The following PLA2R1 variants were observed in gnomAD, a reference collection of about 807,000 sequenced individuals.
PLA2R1 encodes the protein secretory phospholipase A2 receptor.
In PLA2R1, 158 loss-of-function variants were observed where a neutral mutation model predicts 195.9. The ratio of observed to expected loss-of-function variants is 0.81; its 90% CI spans 0.71 to 0.92. PLA2R1 has a LOEUF of 0.92. Among genes scored for constraint, PLA2R1 ranks in the 40% least tolerant of loss-of-function variants. The probability of loss-of-function intolerance (pLI) is 0.00; values close to 1 mark genes in which losing one functional copy is unlikely to be tolerated. For synonymous variants in PLA2R1, 586 were observed against 598.2 expected (o/e 0.98, Z 0.30); for missense variants, 1,626 against 1,764.6 (o/e 0.92, Z 1.41).
rs144116921 is a variant in PLA2R1, at chr2:159,976,132, T to G, written c.2531A>C (p.His844Pro). 152 of 1,612,986 alleles carry G rather than the reference T, an allele frequency of 9.4e-5. No homozygotes were observed. The African/African-American group carries it at 1.8e-3, about 19-fold the overall frequency. ...LNFEFVCSWLHSDLLTIHSAH... is the reference protein window; with the variant it reads ...LNFEFVCSWLPSDLLTIHSAH... ...AGAATGAATTGTGAGAAGATCACTGTGCAGCCAGCTACAGACAAACTCAAA... is the reference window on the plus strand; with the variant it reads ...AGAATGAATTGTGAGAAGATCACTGGGCAGCCAGCTACAGACAAACTCAAA... The change falls in exon 17 of 30, where the codon CAC becomes CCC. Residue 844 changes from histidine (H) to proline (P), a missense_variant. Coordinates refer to ENST00000283243, the MANE Select transcript of PLA2R1 (RefSeq NM_007366.5).
At position 160,028,128 on chromosome 2, in the gene PLA2R1, A is replaced by G. The variant is rs1258097000; in HGVS notation, c.1099+90T>C. 3 of 817,864 alleles carry G rather than the reference A, an allele frequency of 3.7e-6. No individual in the cohort carries two copies. The African/African-American group carries it at 5.2e-5, about 14-fold the overall frequency. 50.7% of individuals were successfully genotyped at this position (817,864 alleles called of 1,614,324 possible). On this transcript the variant is annotated intron_variant, in intron 6 of 29. Transcript: ENST00000283243. ...AACTAGATTTAGCTAAGTTTACATT[A>G]TGAATTATTAGCAAAAAATAGAGAA...
rs988867172 is a variant in PLA2R1, at chr2:159,956,368, T to C, written c.3022+142A>G. 3 of 623,450 alleles carry C rather than the reference T, an allele frequency of 4.8e-6. No homozygotes were observed. In the African/African-American group the frequency reaches 5.5e-5, roughly 11 times the overall value. 38.6% of individuals were successfully genotyped at this position (623,450 alleles called of 1,614,324 possible). On this transcript the variant is annotated intron_variant, in intron 21 of 29. Coordinates refer to ENST00000283243, the MANE Select transcript of PLA2R1 (RefSeq NM_007366.5). ...GATATCATGAAATAAAACCTATGGGTCAAACTGCAAACTCGTGTATCATCA... is the reference window on the plus strand; with the variant it reads ...GATATCATGAAATAAAACCTATGGGCCAAACTGCAAACTCGTGTATCATCA...
chr2:160,025,588 CAAAAAAA>C (rs56365741), intron 6 of PLA2R1, among the ~76,000 whole-genome samples: 2 of 52,868 alleles, frequency 3.8e-5, no homozygotes, highest in Non-Finnish European at 6.3e-5. Flanking sequence ...AACCATAAAG[CAAAAAAA>C]AAAAAAAAAA....
chr2:159,955,099 A>G (rs1424195836), intron 23 of PLA2R1, 100 bp downstream of exon 23: 1 of 842,524 alleles, frequency 1.2e-6, no homozygotes, highest in East Asian at 2.6e-5. Context: ...GTTAGCCAGG[A>G]AACTGTTAGC....
chr2:160,002,543 C>T (rs1691674068), intron 11 of PLA2R1, among the ~76,000 whole-genome samples: 2 of 151,894 alleles, frequency 1.3e-5, no homozygotes, highest in Admixed American at 6.6e-5. Flanking sequence ...AAAAAGGTTG[C>T]TAAAATCATA....
chr2:160,013,747 GTGTGTCTC>G (rs1408882598), intron 9 of PLA2R1, among the ~76,000 whole-genome samples: 6 of 137,572 alleles, frequency 4.4e-5, no homozygotes, highest in Middle Eastern at 3.5e-3. Context: ...GTGTGTGTGT[GTGTGTCTC>G]TCTCTCTCTG....
chr2:159,929,506 G>A (rs1686543187), downstream of PLA2R1, among the ~76,000 whole-genome samples: 1 of 145,320 alleles, frequency 6.9e-6, no homozygotes, highest in South Asian at 2.4e-4. Context: ...AAAAATAGAT[G>A]TTGGTGTGGA....
At chr2:159,978,292 C>T (rs1461854106) in intron 14 of PLA2R1, among the ~76,000 whole-genome samples, 1 of 152,094 alleles carries the variant, frequency 6.6e-6, no homozygotes, top group African/African-American at 2.4e-5. Flanking sequence ...TAATGACTAT[C>T]TCACAGAAGA....
chr2:160,010,776 A>G (rs766490919), intron 10 of PLA2R1, among the ~76,000 whole-genome samples: 1 of 152,136 alleles, frequency 6.6e-6, no homozygotes, highest in Non-Finnish European at 1.5e-5. Context: ...TCCCTGATGG[A>G]CTCTGAATGA....
chr2:160,017,640 T>C (rs894697999), intron 8 of PLA2R1, among the ~76,000 whole-genome samples: 2 of 152,218 alleles, frequency 1.3e-5, no homozygotes, highest in Non-Finnish European at 2.9e-5. Flanking sequence ...TCTAATCCTA[T>C]TGAAGGCTAC....
intron 10 of PLA2R1, among the ~76,000 whole-genome samples, chr2:160,012,719 C>G (rs545529103): frequency 5.9e-5 from 9 of 152,190 alleles, no homozygotes; most frequent in African/African-American, 1.9e-4. Context: ...TCAGACCAGC[C>G]TGGCCAACAT....
chr2:159,960,225 G>A (rs996789627), intron 20 of PLA2R1, among the ~76,000 whole-genome samples: 1 of 152,148 alleles, frequency 6.6e-6, no homozygotes, highest in South Asian at 2.1e-4. Flanking sequence ...AATGTTCCCT[G>A]CCTTTCTGAC....
intron 25 of PLA2R1, among the ~76,000 whole-genome samples, chr2:159,948,642 C>CA (rs56329076): frequency 0.36 from 34,545 of 96,400 alleles, 5,940 homozygotes; most frequent in Non-Finnish European, 0.49. Context: ...CAAGTGCTAA[C>CA]AAAAAAAAAA....
At chr2:159,976,295 G>T in intron 16 of PLA2R1, 70 bp from the exon 17 acceptor site, 1 of 1,051,424 alleles carries the variant, frequency 9.5e-7, no homozygotes, top group South Asian at 1.5e-5. Flanking sequence ...CCAAATTTGA[G>T]ATTTGGTCAC....
At chr2:159,956,701 T>G in intron 20 of PLA2R1, 74 bp from the exon 21 acceptor site, 1 of 873,876 alleles carries the variant, frequency 1.1e-6, no homozygotes, top group South Asian at 1.4e-5. Flanking sequence ...CCAAAGACAC[T>G]GAATATCAGC....
chr2:160,025,576 G>T (rs1297915523), intron 6 of PLA2R1, among the ~76,000 whole-genome samples: 3 of 102,414 alleles, frequency 2.9e-5, no homozygotes, highest in Non-Finnish European at 3.8e-5. Flanking sequence ...AAGCCACATG[G>T]TAACCATAAA....
At chr2:159,978,127 T>G (rs1429391210) in intron 14 of PLA2R1, among the ~76,000 whole-genome samples, 1 of 152,120 alleles carries the variant, frequency 6.6e-6, no homozygotes. Flanking sequence ...TTTTGATTAC[T>G]TTGAACATAT....
chr2:160,022,981 A>G lies in PLA2R1; in HGVS notation c.1100-122T>C, dbSNP rs1467954125. 4.6e-6 allele frequency: 3 copies of G among 654,096 alleles called. No homozygotes were observed. In the East Asian group the frequency reaches 8.1e-5, roughly 18 times the overall value. 40.5% of individuals were successfully genotyped at this position (654,096 alleles called of 1,614,324 possible). A position where few individuals can be genotyped will look rare whatever the true frequency, so the allele number is the denominator to read the frequency against. ...AAATGTGAAAAACAGAAATATACAA[A>G]ATGACATATATCATGGAATTCTAGA... On this transcript the variant is annotated intron_variant, in intron 6 of 29. Transcript: ENST00000283243.
At chr2:160,016,473 G>GT (rs748479172) in intron 9 of PLA2R1, 141 bp downstream of exon 9, 2 of 575,970 alleles carry the variant, frequency 3.5e-6, no homozygotes, top group Admixed American at 3.2e-5. Context: ...AGGAAAGAAG[G>GT]GGGGGGTGCG....
Sources: gnomAD v4.1 joint callset for allele counts (sites outside exome capture counted in the v4.1 genomes callset) on GRCh38, gnomAD v4.1.1 for gene constraint, MANE v1.5 for transcripts, NCBI Gene and HGNC (gene_info 2026-07-23, HGNC 2026-07-21) for gene names.